Variants in ARHGAP35 observed in about 807,000 individuals in gnomAD.
ARHGAP35 encodes the protein Rho GTPase activating protein 35, also known as rho GTPase-activating protein 35.
Under a neutral mutation model 111.1 loss-of-function variants are expected in ARHGAP35, and 15 were observed. The ratio of observed to expected loss-of-function variants is 0.13; its 90% CI spans 0.09 to 0.21. The LOEUF is 0.21. Among genes scored for constraint, ARHGAP35 ranks in the 10% least tolerant of loss-of-function variants. The pLI is 1.00. For synonymous variants in ARHGAP35, 643 were observed against 710.3 expected, an observed-to-expected ratio of 0.91 and a Z score of 1.51; for missense variants, 1,262 against 1,873.0, an observed-to-expected ratio of 0.67 and a Z score of 6.02.
At chr19:46,947,801 G>A (rs984158506) in intron 3 of ARHGAP35, 1 of 152,212 alleles carries the variant, frequency 6.6e-6, no homozygotes, top group Non-Finnish European at 1.5e-5. Flanking sequence ...TTCAAGCTGG[G>A]GTTCCCATGA....
rs943551271 is a variant in ARHGAP35 at position 46,986,260 on chromosome 19, G to C, written c.3827-1729G>C. ...ACAGGGTGAGTGGACTCAGTAGACA[G>C]CTTGGAATCCACTCTAAGCTGAACA... On this transcript the variant is annotated intron_variant, in intron 3 of 6. Coordinates refer to ENST00000672722, the MANE Select transcript of ARHGAP35 (RefSeq NM_004491.5). The surrounding 1 kb of genome is among the most constrained non-coding windows in gnomAD (Gnocchi z 4.3). Among the ~76,000 whole-genome samples, 4 of 152,194 alleles carry C rather than the reference G, an allele frequency of 2.6e-5. No individual in the cohort carries two copies. Among genetic ancestry groups the C allele is most frequent in the Admixed American group, 1.3e-4 (2 of 15,278 alleles).
intron 1 of ARHGAP35, among the ~76,000 whole-genome samples, chr19:46,861,662 A>G (rs1320516870): frequency 6.6e-6 from 1 of 150,580 alleles, no homozygotes; most frequent in African/African-American, 2.5e-5. Context: ...TGTGGCTCCC[A>G]CTTTTGAGAT....
At chr19:46,935,592 A>G (rs2056303404) in intron 2 of ARHGAP35, among the ~76,000 whole-genome samples, 2 of 152,244 alleles carry the variant, frequency 1.3e-5, no homozygotes, top group African/African-American at 4.8e-5. Flanking sequence ...TGTTTCCTTC[A>G]GTGGATTTTA....
intron 1 of ARHGAP35, among the ~76,000 whole-genome samples, chr19:46,911,090 C>T (rs1236508872): frequency 6.6e-6 from 1 of 152,206 alleles, no homozygotes; most frequent in Non-Finnish European, 1.5e-5. Context: ...TCTTCTGTCT[C>T]CCATTCTTGG....
rs538787171 is a variant in ARHGAP35, at chr19:46,870,411, C to T, written c.-189+9202C>T. Reference sequence around the variant, plus strand: ...TGGCTAATACGGTGAAATCCCATCTCTACTAAAAATACAAAAAATTAGCCG... The same window carrying T: ...TGGCTAATACGGTGAAATCCCATCTTTACTAAAAATACAAAAAATTAGCCG... On this transcript the variant is annotated intron_variant, in intron 1 of 6. Coordinates refer to ENST00000672722, the MANE Select transcript of ARHGAP35 (RefSeq NM_004491.5). 4.0e-5 allele frequency among the ~76,000 whole-genome samples: 6 copies of T among 151,804 alleles called. No individual in the cohort carries two copies. In the South Asian group the frequency reaches 1.2e-3, roughly 32 times the overall value.
intron 3 of ARHGAP35, among the ~76,000 whole-genome samples, chr19:46,955,280 G>A (rs922781473): frequency 9.2e-5 from 14 of 152,154 alleles, no homozygotes; most frequent in Admixed American, 2.6e-4. Context: ...TGATAAGTTC[G>A]TCTAGTTTGG....
In ARHGAP35 at chr19:46,989,504, C is replaced by T; in HGVS notation, c.3905-40C>T. On this transcript the variant is annotated intron_variant, in intron 4 of 6. Coordinates refer to ENST00000672722, the MANE Select transcript of ARHGAP35 (RefSeq NM_004491.5). The surrounding 1 kb of genome is among the most constrained non-coding windows in gnomAD (Gnocchi z 5.3). ...GAGTTGTCCTGATGCTTCTGCCTGG[C>T]TTAGAATGGTTTGGCCTCACTCTCC... 6.2e-7 allele frequency: 1 copy of T among 1,611,990 alleles called. No individual in the cohort carries two copies. Among genetic ancestry groups the T allele is most frequent in the Non-Finnish European group, 8.5e-7 (1 of 1,178,754 alleles).
intron 2 of ARHGAP35, among the ~76,000 whole-genome samples, chr19:46,936,548 A>ATT (rs199843086): frequency 6.6e-6 from 1 of 151,834 alleles, no homozygotes; most frequent in South Asian, 2.1e-4. Flanking sequence ...TTTCCATTTC[A>ATT]TTTTTTTTAA....
chr19:46,889,440 CG>C (rs2056013098), intron 1 of ARHGAP35, among the ~76,000 whole-genome samples: 1 of 151,822 alleles, frequency 6.6e-6, no homozygotes, highest in African/African-American at 2.4e-5. Flanking sequence ...GCCTGGGTGA[CG>C]AGTGAAACTC....
chr19:46,997,023 G>C (rs911696921), intron 5 of ARHGAP35, among the ~76,000 whole-genome samples: 1 of 152,154 alleles, frequency 6.6e-6, no homozygotes, highest in African/African-American at 2.4e-5. Context: ...CAGGCGTGGT[G>C]GTGGGCACCT....
intron 3 of ARHGAP35, among the ~76,000 whole-genome samples, chr19:46,962,543 C>A (rs1014583721): frequency 6.6e-6 from 1 of 152,202 alleles, no homozygotes; most frequent in African/African-American, 2.4e-5. Context: ...AGGCAGTAGA[C>A]AAGGGTGGGG....
intron 5 of ARHGAP35, among the ~76,000 whole-genome samples, chr19:46,998,766 A>G (rs1469053854): frequency 6.6e-6 from 1 of 152,214 alleles, no homozygotes; most frequent in East Asian, 1.9e-4. Flanking sequence ...CCTTTGGTGA[A>G]GTGCATAAGA....
intron 3 of ARHGAP35, among the ~76,000 whole-genome samples, chr19:46,969,327 A>G (rs978358932): frequency 1.3e-5 from 2 of 152,222 alleles, no homozygotes; most frequent in South Asian, 4.1e-4. Flanking sequence ...AATCATAATA[A>G]ACGGAGGATA....
intron 3 of ARHGAP35, among the ~76,000 whole-genome samples, chr19:46,987,555 C>G (rs1037168787): frequency 9.2e-5 from 14 of 152,138 alleles, no homozygotes; most frequent in African/African-American, 3.1e-4. Context: ...TTACAGTGAT[C>G]ATATACTTTG....
intron 3 of ARHGAP35, among the ~76,000 whole-genome samples, chr19:46,967,895 G>A (rs1351458203): frequency 6.6e-6 from 1 of 151,112 alleles, no homozygotes; most frequent in Non-Finnish European, 1.5e-5. Context: ...TGTCTGTCAC[G>A]CCCGGAGTCC....
rs572124413 is a variant in ARHGAP35, at chr19:46,988,275, C to G, written c.3904+209C>G. The G allele has an allele frequency of 1.5e-5, 8 of 548,534 alleles. No individual in the cohort carries two copies. The African/African-American group carries it at 1.5e-4, about 10-fold the overall frequency. 34.0% of individuals were successfully genotyped at this position (548,534 alleles called of 1,614,324 possible). A position where few individuals can be genotyped will look rare whatever the true frequency, so the allele number is the denominator to read the frequency against. On this transcript the variant is annotated intron_variant, in intron 4 of 6. Transcript: ENST00000672722. The surrounding 1 kb of genome is among the most constrained non-coding windows in gnomAD (Gnocchi z 5.4). ...AGTGAACCGAAGCACCATCCCTGCC[C>G]AAGCTGGGTCATGTAGGCCACTCCC... is the stretch of plus-strand genomic sequence containing the variant.
chr19:46,920,194 G>A lies in ARHGAP35; in HGVS notation c.1519G>A (p.Glu507Lys). ...LEYSELFYEL[E>K]LDAKPSKEKM... is the part of the protein sequence containing the mutation. Reference sequence around the variant, plus strand: ...ATATTCAGAATTGTTTTATGAACTGGAGCTGGATGCTAAGCCCAGCAAGGA... The same window carrying A: ...ATATTCAGAATTGTTTTATGAACTGAAGCTGGATGCTAAGCCCAGCAAGGA... Residue 507 changes from glutamate to lysine, a missense_variant, in exon 2 of 7, where the codon GAG becomes AAG. Transcript: ENST00000672722. The surrounding 1 kb of genome is among the most constrained non-coding windows in gnomAD (Gnocchi z 7.0). 6.2e-7 allele frequency: 1 copy of A among 1,613,934 alleles called. No individual in the cohort carries two copies. Among genetic ancestry groups the A allele is most frequent in the Non-Finnish European group, 8.5e-7 (1 of 1,179,882 alleles).
rs2056661959 is a variant in ARHGAP35, at chr19:46,988,277, A to T, written c.3904+211A>T. On this transcript the variant is annotated intron_variant, in intron 4 of 6. Transcript: ENST00000672722. The surrounding 1 kb of genome is among the most constrained non-coding windows in gnomAD (Gnocchi z 5.4). The stretch of plus-strand genomic sequence containing the variant: ...TGAACCGAAGCACCATCCCTGCCCA[A>T]GCTGGGTCATGTAGGCCACTCCCCA... 1.8e-6 allele frequency: 1 copy of T among 548,492 alleles called. No homozygotes were observed. Among genetic ancestry groups the T allele is most frequent in the African/African-American group, 1.9e-5 (1 of 52,644 alleles). The allele number at this position is 548,492 out of a possible 1,614,324, so 34.0% of individuals were successfully genotyped here. A position where few individuals can be genotyped will look rare whatever the true frequency, so the allele number is the denominator to read the frequency against.
At chr19:46,931,552 C>T (rs1171912485) in intron 2 of ARHGAP35, among the ~76,000 whole-genome samples, 2 of 152,142 alleles carry the variant, frequency 1.3e-5, no homozygotes, top group Middle Eastern at 3.2e-3. Context: ...CCCCAGTGCA[C>T]CACGGGCATA....
Sources: gnomAD v4.1 joint callset for allele counts (sites outside exome capture counted in the v4.1 genomes callset) on GRCh38, gnomAD v4.1.1 for gene constraint, Gnocchi (gnomAD v3.1) non-coding constraint, MANE v1.5 for transcripts, NCBI Gene and HGNC (gene_info 2026-07-23, HGNC 2026-07-21) for gene names.